Variants in NDC80 observed in about 807,000 individuals in gnomAD.
NDC80 encodes the protein NDC80 kinetochore complex component.
In NDC80, 69 loss-of-function variants were observed where a neutral mutation model predicts 89.3. The observed-to-expected ratio is 0.77, with a 90% confidence interval of 0.64 to 0.94. The LOEUF is 0.94. Ranked by LOEUF, NDC80 falls within the 40% of genes least tolerant of loss-of-function variation. The pLI is 0.00. For missense variants in NDC80, 593 were observed against 739.6 expected, an observed-to-expected ratio of 0.80 and a Z score of 2.30; for synonymous variants, 243 against 255.6, an observed-to-expected ratio of 0.95 and a Z score of 0.47.
chr18:2,608,617 C>A, intron 14 of NDC80, 83 bp from the exon 15 acceptor site: 1 of 1,379,246 alleles, frequency 7.3e-7, no homozygotes, highest in Non-Finnish European at 9.7e-7. Flanking sequence ...TATTTAAGTG[C>A]TTTTTATAAT....
At chr18:2,614,623 A>G (rs9957438) in intron 16 of NDC80, among the ~76,000 whole-genome samples, 1 of 74,114 alleles carries the variant, frequency 1.3e-5, no homozygotes, top group Non-Finnish European at 2.5e-5. Flanking sequence ...GAAAGAAAGA[A>G]AGAAAGAAAG....
intron 9 of NDC80, 125 bp from the exon 10 acceptor site, chr18:2,589,892 TA>T: frequency 1.5e-6 from 1 of 647,600 alleles, no homozygotes; most frequent in Non-Finnish European, 2.3e-6. Context: ...TGACTTCCTC[TA>T]AAAATGAAAG....
intron 16 of NDC80, among the ~76,000 whole-genome samples, chr18:2,611,908 G>A (rs1018088276): frequency 2.0e-5 from 3 of 151,502 alleles, no homozygotes; most frequent in African/African-American, 7.3e-5. Flanking sequence ...TTAGTGTGAA[G>A]AACTAAGAAA....
rs1257614097 is a variant in NDC80, at chr18:2,595,502, C to G, written c.1102C>G (p.Arg368Gly). The G allele has an allele frequency of 1.9e-6, 3 of 1,613,420 alleles. No individual in the cohort carries two copies. The highest frequency in any genetic ancestry group is 8.5e-7 in the Non-Finnish European group (1 of 1,179,572). Residue 368 changes from arginine to glycine, a missense_variant, in exon 11 of 17, where the codon CGA (arginine) becomes GGA (glycine). Physicochemically the swap from Arg to Gly is moderately radical, Grantham distance 125 (BLOSUM62 -2). Transcript: ENST00000261597. Reference sequence around the variant, plus strand: ...GAAGTACTCAGTTGCAGACATTGAGCGAATAAATCATGAAAGAAATGAATT... The same window carrying G: ...GAAGTACTCAGTTGCAGACATTGAGGGAATAAATCATGAAAGAAATGAATT... ...NQKYSVADIE[R>G]INHERNELQQ... is the part of the protein sequence containing the mutation.
rs2072562126 is a variant in NDC80, at chr18:2,578,924, T to C, written c.477-3T>C. ...TAGCTTATGTTTTTCTGATTTCTCATAGGTATCCTTTTGCACTATCCAAAA... is the reference window on the plus strand; with the variant it reads ...TAGCTTATGTTTTTCTGATTTCTCACAGGTATCCTTTTGCACTATCCAAAA... On this transcript the variant is annotated splice_polypyrimidine_tract_variant and splice_region_variant and intron_variant, in intron 5 of 16. Coordinates refer to ENST00000261597, the MANE Select transcript of NDC80 (RefSeq NM_006101.3). The C allele has an allele frequency of 6.1e-6, 9 of 1,463,870 alleles. No homozygotes were observed. Among genetic ancestry groups the C allele is most frequent in the Non-Finnish European group, 8.2e-6 (9 of 1,096,262 alleles). 90.7% of individuals were successfully genotyped at this position (1,463,870 alleles called of 1,614,324 possible). A position where few individuals can be genotyped will look rare whatever the true frequency, so the allele number is the denominator to read the frequency against.
At chr18:2,588,045 T>G (rs1204707223) in intron 8 of NDC80, 122 bp downstream of exon 8, 3 of 655,664 alleles carry the variant, frequency 4.6e-6, no homozygotes, top group Non-Finnish European at 7.6e-6. Flanking sequence ...TCTGGATGCC[T>G]ACTGATTTTT....
chr18:2,614,434 TCAAA>T (rs1312604428), intron 16 of NDC80: 17 of 176,836 alleles, frequency 9.6e-5, no homozygotes, highest in African/African-American at 4.8e-4. Context: ...AGATGCTGTC[TCAAA>T]AAAAGAAAGA....
Position 2,575,034 on chromosome 18 carries a change from A to G in NDC80, c.147A>G (p.Thr49=), listed in dbSNP as rs755056795. ...GAAAGTTGAGTATAAACAAACCGAC[A>G]TCTGAAAGAAAAGTCTCGCTATTTG... The part of the protein sequence containing the change: ...TFGKLSINKP[T]SERKVSLFGK... Residue 49 remains threonine (T), a synonymous_variant, in exon 3 of 17, where the codon ACA becomes ACG. Transcript: ENST00000261597. 6.2e-7 allele frequency: 1 copy of G among 1,612,360 alleles called. No homozygotes were observed. The highest frequency in any genetic ancestry group is 8.5e-7 in the Non-Finnish European group (1 of 1,179,010).
chr18:2,605,268 A>G (rs1197603769), intron 13 of NDC80, among the ~76,000 whole-genome samples: 1 of 93,434 alleles, frequency 1.1e-5, no homozygotes, highest in African/African-American at 4.4e-5. Context: ...CGGGCGGGCT[A>G]TATGTATGTG....
rs140756592 is a variant in NDC80 at position 2,575,660 on chromosome 18, C to T, written c.179+594C>T. 3.2e-3 allele frequency among the ~76,000 whole-genome samples: 494 copies of T among 152,070 alleles called. 2 individuals are homozygous for T. The highest frequency in any genetic ancestry group is 0.01 in the African/African-American group (434 of 41,488). On this transcript the variant is annotated intron_variant, in intron 3 of 16. Transcript: ENST00000261597. ...GGCTTGTAGACCGGGTGTGGTGGCT[C>T]ACACCTGTAATCCCAGCACTTTGGG...
intron 10 of NDC80, among the ~76,000 whole-genome samples, chr18:2,593,057 T>TGTGTGTGTG (rs1491312738): frequency 2.9e-5 from 2 of 69,330 alleles, no homozygotes; most frequent in African/African-American, 6.9e-5. Flanking sequence ...TGTGTGTGTC[T>TGTGTGTGTG]TTTTTTTTTT....
At chr18:2,590,293 G>T in intron 10 of NDC80, 131 bp downstream of exon 10, 1 of 920,254 alleles carries the variant, frequency 1.1e-6, no homozygotes, top group South Asian at 2.4e-5. Context: ...CAAGTTTTCA[G>T]TGTGTTTCGT....
intron 11 of NDC80, among the ~76,000 whole-genome samples, chr18:2,598,214 G>A (rs1472817617): frequency 6.6e-6 from 1 of 152,134 alleles, no homozygotes; most frequent in East Asian, 1.9e-4. Context: ...TTATGGATGG[G>A]TAATAACAAT....
At chr18:2,580,457 C>A (rs982185745) in intron 6 of NDC80, among the ~76,000 whole-genome samples, 1 of 151,720 alleles carries the variant, frequency 6.6e-6, no homozygotes, top group Non-Finnish European at 1.5e-5. Flanking sequence ...GCTAGAATTC[C>A]TAAAGCTAAT....
chr18:2,606,556 A>T, intron 14 of NDC80, 49 bp downstream of exon 14: 1 of 1,208,698 alleles, frequency 8.3e-7, no homozygotes, highest in Non-Finnish European at 1.2e-6. Flanking sequence ...CTATGTCATG[A>T]TTGCTTGATG....
In NDC80 at chr18:2,593,699, G is replaced by A. The variant is rs146440765; in HGVS notation, c.1016-1717G>A. Reference sequence around the variant, plus strand: ...ATGCAACTGTAATAAATAAGCATCTGTATCCTGATTCTTATTTATGGCATC... The same window carrying A: ...ATGCAACTGTAATAAATAAGCATCTATATCCTGATTCTTATTTATGGCATC... On this transcript the variant is annotated intron_variant, in intron 10 of 16. Transcript: ENST00000261597. The A allele has an allele frequency of 2.6e-5, 5 of 193,410 alleles. No individual in the cohort carries two copies. In the East Asian group the frequency reaches 8.6e-4, roughly 33 times the overall value. The allele number at this position is 193,410 out of a possible 1,614,324, so 12.0% of individuals were successfully genotyped here.
At chr18:2,616,044 G>A (rs2072782212) in intron 16 of NDC80, among the ~76,000 whole-genome samples, 1 of 151,768 alleles carries the variant, frequency 6.6e-6, no homozygotes, top group Non-Finnish European at 1.5e-5. Flanking sequence ...TTTTTTTTTG[G>A]AGATAGCATC....
intron 16 of NDC80, among the ~76,000 whole-genome samples, chr18:2,612,494 G>A (rs2072750841): frequency 6.6e-6 from 1 of 151,642 alleles, no homozygotes; most frequent in Non-Finnish European, 1.5e-5. Context: ...TCACCATGTT[G>A]GCCAGGCTGG....
Position 2,595,553 on chromosome 18 carries a change from A to G in NDC80, c.1153A>G (p.Lys385Glu), listed in dbSNP as rs1399548869. The G allele has an allele frequency of 6.2e-7, 1 of 1,613,892 alleles. No homozygotes were observed. The highest frequency in any genetic ancestry group is 1.1e-5 in the South Asian group (1 of 91,080). The change falls in exon 11 of 17, where the codon AAG becomes GAG. Residue 385 changes from lysine (K) to glutamate (E), a missense_variant. Coordinates refer to ENST00000261597, the MANE Select transcript of NDC80 (RefSeq NM_006101.3). ...GCAGCAGACTATTAATAAATTAACC[A>G]AGGACCTGGAAGCTGAACAACAGAA... ...ELQQTINKLT[K>E]DLEAEQQKLW...
Sources: gnomAD v4.1 joint callset for allele counts (sites outside exome capture counted in the v4.1 genomes callset) on GRCh38, gnomAD v4.1.1 for gene constraint, MANE v1.5 for transcripts, NCBI Gene and HGNC (gene_info 2026-07-23, HGNC 2026-07-21) for gene names.